The following TRIM77 variants were observed in gnomAD, a reference collection of about 807,000 sequenced individuals.
TRIM77 encodes tripartite motif-containing protein 77.
In TRIM77, 23 loss-of-function variants were observed where a neutral mutation model predicts 31.8. The ratio of observed to expected loss-of-function variants is 0.72; its 90% CI spans 0.52 to 1.02. The LOEUF (loss-of-function observed/expected upper bound fraction) is 1.02, where lower values mean the gene tolerates loss of function less well. Among genes scored for constraint, TRIM77 ranks in the 50% least tolerant of loss-of-function variants. The pLI is 0.00. For missense variants in TRIM77, 446 were observed against 539.2 expected (o/e 0.83, Z 1.71); for synonymous variants, 159 against 183.1 (o/e 0.87, Z 1.06).
At chr11:89,715,305 A>G in intron 4 of TRIM77, 125 bp downstream of exon 4, 2 of 890,066 alleles carry the variant, frequency 2.2e-6, no homozygotes, top group Non-Finnish European at 3.5e-6. Context: ...ATCAAAGGTC[A>G]TCCAGGCTTT....
At chr11:89,711,114 T>C (rs1178194912) in intron 1 of TRIM77, among the ~76,000 whole-genome samples, 2 of 152,194 alleles carry the variant, frequency 1.3e-5, no homozygotes, top group Admixed American at 1.3e-4. Flanking sequence ...GTAGATAAGT[T>C]GAGGGCTAGC....
chr11:89,716,947 A>G (rs1949165203), intron 5 of TRIM77, among the ~76,000 whole-genome samples: 1 of 152,030 alleles, frequency 6.6e-6, no homozygotes, highest in Non-Finnish European at 1.5e-5. Context: ...AATTTTTAGT[A>G]GTCTAGTAAA....
Position 89,710,708 on chromosome 11 carries a change from G to A in TRIM77, c.410G>A (p.Arg137Lys). Residue 137 changes from arginine to lysine, a missense_variant and splice_region_variant, in exon 1 of 6, where the codon AGG (arginine) becomes AAG (lysine). Physicochemically the swap from Arg to Lys is conservative, Grantham distance 26. Around this residue, in one of 3 missense-constraint regions of TRIM77, gnomAD observed 366 missense variants for 447.9 expected, o/e 0.82. Transcript: ENST00000398290. ...YMTREADEYY[R>K]KKLLIQMKSI... ...ACAAGGGAGGCTGATGAATACTATA[G>A]GGTAAGTAAATGCTACTGATTGCAC... 1 of 1,525,260 alleles carries A rather than the reference G, an allele frequency of 6.6e-7. No individual in the cohort carries two copies. Among genetic ancestry groups the A allele is most frequent in the Non-Finnish European group, 8.8e-7 (1 of 1,132,642 alleles). 94.5% of individuals were successfully genotyped at this position (1,525,260 alleles called of 1,614,324 possible). A position where few individuals can be genotyped will look rare whatever the true frequency, so the allele number is the denominator to read the frequency against.
intron 3 of TRIM77, 89 bp from the exon 4 acceptor site, chr11:89,715,069 T>C: frequency 3.1e-6 from 4 of 1,295,252 alleles, no homozygotes; most frequent in Non-Finnish European, 4.2e-6. Flanking sequence ...AGTTTTCCAA[T>C]TCAGTCCATA....
At chr11:89,715,059 A>C (rs1413504788) in intron 3 of TRIM77, 99 bp from the exon 4 acceptor site, 7 of 1,168,592 alleles carry the variant, frequency 6.0e-6, no homozygotes, top group East Asian at 5.2e-5. Context: ...GAAGACGTTA[A>C]GTTTTCCAAT....
intron 3 of TRIM77, 51 bp from the exon 4 acceptor site, chr11:89,715,107 T>C: frequency 6.5e-7 from 1 of 1,539,340 alleles, no homozygotes; most frequent in Non-Finnish European, 8.8e-7. Context: ...TAGGATATAT[T>C]GAGAGAACCA....
At chr11:89,712,444 T>C (rs1949128748) in intron 2 of TRIM77, among the ~76,000 whole-genome samples, 1 of 152,124 alleles carries the variant, frequency 6.6e-6, no homozygotes, top group Non-Finnish European at 1.5e-5. Context: ...CAAATTAAAA[T>C]GTAAACTTTA....
chr11:89,716,042 CCT>C (rs1042732189), intron 5 of TRIM77, 55 bp downstream of exon 5: 1 of 1,127,166 alleles, frequency 8.9e-7, no homozygotes, highest in African/African-American at 1.6e-5. Context: ...ATATGGGTGA[CCT>C]ATATTCAGTT....
chr11:89,715,399 C>T (rs1167937027), intron 4 of TRIM77, among the ~76,000 whole-genome samples: 1 of 152,136 alleles, frequency 6.6e-6, no homozygotes, highest in African/African-American at 2.4e-5. Flanking sequence ...AATAAGGCAA[C>T]TATTTTTCCT....
chr11:89,716,571 C>A (rs1019069377), intron 5 of TRIM77, among the ~76,000 whole-genome samples: 1 of 152,122 alleles, frequency 6.6e-6, no homozygotes, highest in Admixed American at 6.6e-5. Flanking sequence ...AGAAGAGAGG[C>A]AGCCATGGGA....
intron 5 of TRIM77, among the ~76,000 whole-genome samples, chr11:89,716,374 T>G (rs1949161121): frequency 6.6e-6 from 1 of 152,224 alleles, no homozygotes; most frequent in South Asian, 2.1e-4. Context: ...ATCTTAATGT[T>G]GTTATTCGAA....
chr11:89,711,205 T>C (rs1358532721), intron 1 of TRIM77, among the ~76,000 whole-genome samples: 1 of 152,202 alleles, frequency 6.6e-6, no homozygotes, highest in African/African-American at 2.4e-5. Context: ...ACTTCTAAGA[T>C]AATGGGTCTT....
rs1300904889 is a variant in TRIM77 at position 89,716,007 on chromosome 11, TA to T, written c.859+22del. ...TCAGAGGTAAGAGTGTGAACTGCAC[TA>T]ATGTTTCCAACGTAAGTATTTTTAT... On this transcript the variant is annotated intron_variant, in intron 5 of 5. Coordinates refer to ENST00000398290, the MANE Select transcript of TRIM77 (RefSeq NM_001146162.1). 3.4e-6 allele frequency: 5 copies of T among 1,454,906 alleles called. No individual in the cohort carries two copies. The highest frequency in any genetic ancestry group is 4.7e-6 in the Non-Finnish European group (5 of 1,068,978). 90.1% of individuals were successfully genotyped at this position (1,454,906 alleles called of 1,614,324 possible). A position where few individuals can be genotyped will look rare whatever the true frequency, so the allele number is the denominator to read the frequency against.
intron 4 of TRIM77, 84 bp downstream of exon 4, chr11:89,715,264 A>G (rs1949152807): frequency 8.1e-7 from 1 of 1,239,032 alleles, no homozygotes; most frequent in African/African-American, 1.5e-5. Flanking sequence ...ACTTTTAGTG[A>G]GGAATTTCTG....
Position 89,717,500 on chromosome 11 carries a change from T to C in TRIM77, c.981T>C (p.Tyr327=), listed in dbSNP as rs1329144808. ...CCTGTAATCCAACAAGTACACAGTA[T>C]ACTTCTTCATGGGGAGCTCAGATCC... ...DMSCNPTSTQ[Y]TSSWGAQILS... Residue 327 remains tyrosine, a synonymous_variant, in exon 6 of 6, where the codon TAT becomes TAC. Coordinates refer to ENST00000398290, the MANE Select transcript of TRIM77 (RefSeq NM_001146162.1). 6.4e-7 allele frequency: 1 copy of C among 1,551,574 alleles called. No homozygotes were observed. The highest frequency in any genetic ancestry group is 1.2e-5 in the South Asian group (1 of 84,050).
At position 89,710,515 on chromosome 11, in the gene TRIM77, C is replaced by T. The variant is rs1196498267; in HGVS notation, c.217C>T (p.Gln73Ter). 6.4e-7 allele frequency: 1 copy of T among 1,551,400 alleles called. No homozygotes were observed. Among genetic ancestry groups the T allele is most frequent in the African/African-American group, 1.4e-5 (1 of 73,038 alleles). ...YFKRIIFAEK[Q>*]VIPTRESVPC... ...CAAACGCATTATTTTTGCTGAGAAA[C>T]AAGTTATTCCTACAAGAGAATCAGT... Residue 73 changes from glutamine (Q) to a stop codon, truncating the protein, a stop_gained, in exon 1 of 6, where the codon CAA (glutamine) becomes TAA (stop). Transcript: ENST00000398290. LOFTEE classifies it high-confidence loss of function.
At chr11:89,713,275 CAAAAAAA>C (rs1185402054) in intron 2 of TRIM77, among the ~76,000 whole-genome samples, 8 of 42,222 alleles carry the variant, frequency 1.9e-4, no homozygotes, top group Admixed American at 2.6e-4. Flanking sequence ...GACTCCGTCT[CAAAAAAA>C]AAAAAAAAAA....
In TRIM77 at chr11:89,717,764, T is replaced by A; in HGVS notation, c.1245T>A (p.Cys415Ter). ...TAGGGGTGTTCCTGGATTATGAATGTGGGATAGTGAGCTTTGTTAATGTTG... is the reference window on the plus strand; with the variant it reads ...TAGGGGTGTTCCTGGATTATGAATGAGGGATAGTGAGCTTTGTTAATGTTG... Reference protein sequence around the residue: ...GWLGVFLDYECGIVSFVNVAQ... With the variant: ...GWLGVFLDYE Residue 415 changes from cysteine (C) to a stop codon, truncating the protein, a stop_gained, in exon 6 of 6, where the codon TGT becomes TGA. Transcript: ENST00000398290. LOFTEE classifies it low-confidence loss of function (END_TRUNC). 1 of 1,551,310 alleles carries A rather than the reference T, an allele frequency of 6.4e-7. No homozygotes were observed. The highest frequency in any genetic ancestry group is 1.2e-5 in the South Asian group (1 of 84,044).
chr11:89,717,221 C>A (rs1262802668), intron 5 of TRIM77, among the ~76,000 whole-genome samples, 158 bp from the exon 6 acceptor site: 1 of 152,038 alleles, frequency 6.6e-6, no homozygotes, highest in Non-Finnish European at 1.5e-5. Flanking sequence ...TTGAAACTGG[C>A]CTTAGTGAGG....
Sources: allele counts gnomAD v4.1 joint callset (sites outside exome capture counted in the v4.1 genomes callset), GRCh38; gene constraint gnomAD v4.1.1; regional missense constraint gnomAD v4.1.1; transcripts MANE v1.5; gene names NCBI Gene and HGNC (gene_info 2026-07-23, HGNC 2026-07-21).